CASK: variants seen among roughly 807,000 people sequenced by gnomAD.
The protein encoded by CASK is peripheral plasma membrane protein CASK.
CASK carries 4 observed loss-of-function variants against 82.9 expected under a neutral mutation model. The ratio of observed to expected loss-of-function variants is 0.05; its 90% CI spans 0.02 to 0.11. The LOEUF (loss-of-function observed/expected upper bound fraction) is 0.11, where lower values mean the gene tolerates loss of function less well. Among genes scored for constraint, CASK ranks in the 10% least tolerant of loss-of-function variants. The pLI is 1.00. For missense variants in CASK, 358 were observed against 720.9 expected (o/e 0.50, Z 5.76); for synonymous variants, 259 against 253.5 (o/e 1.02, Z -0.20).
At chrX:41,573,772 C>G (rs2065447357) in intron 15 of CASK, among the ~76,000 whole-genome samples, 1 of 111,814 alleles carries the variant, frequency 8.9e-6, no homozygotes, top group Admixed American at 9.5e-5. Context: ...TTTTTGTATT[C>G]CTAAAAATAT....
intron 5 of CASK, among the ~76,000 whole-genome samples, chrX:41,673,683 C>T (rs1569386237): frequency 9.1e-6 from 1 of 109,533 alleles, no homozygotes; most frequent in African/African-American, 3.3e-5. Context: ...CAAAGGCCCA[C>T]AGGAATAAGG....
intron 1 of CASK, among the ~76,000 whole-genome samples, chrX:41,910,518 C>G (rs1220267180): frequency 9.0e-6 from 1 of 111,650 alleles, no homozygotes; most frequent in Non-Finnish European, 1.9e-5. Context: ...GTGTCTTTAT[C>G]GGGGAAAATA....
At chrX:41,799,639 A>C (rs2069948094) in intron 2 of CASK, among the ~76,000 whole-genome samples, 2 of 108,416 alleles carry the variant, frequency 1.8e-5, no homozygotes, top group South Asian at 8.3e-4. Context: ...GGAGAGACAT[A>C]TATTTAGCTG....
intron 1 of CASK, chrX:41,919,412 T>C (rs2072747605): frequency 8.9e-6 from 1 of 112,146 alleles, no homozygotes; most frequent in Non-Finnish European, 1.9e-5. Flanking sequence ...AAAAATGGTA[T>C]GTATTTTGTT....
chrX:41,620,719 A>C (rs2147315962), intron 11 of CASK, among the ~76,000 whole-genome samples: 1 of 112,292 alleles, frequency 8.9e-6, no homozygotes, highest in East Asian at 2.8e-4. Context: ...CTTTGTTATC[A>C]ATCAAGTTAT....
intron 8 of CASK, among the ~76,000 whole-genome samples, chrX:41,642,116 G>T (rs2066668418): frequency 9.0e-6 from 1 of 111,034 alleles, no homozygotes; most frequent in Non-Finnish European, 1.9e-5. Context: ...TGGTGTATAT[G>T]CGCCACATTT....
intron 6 of CASK, among the ~76,000 whole-genome samples, chrX:41,667,700 C>T (rs1191941874): frequency 9.0e-6 from 1 of 111,508 alleles, no homozygotes; most frequent in Non-Finnish European, 1.9e-5. Flanking sequence ...GCTGGGATTA[C>T]AGGTGTGAGT....
intron 21 of CASK, among the ~76,000 whole-genome samples, chrX:41,551,572 TATC>T (rs746723487): frequency 9.0e-6 from 1 of 110,898 alleles, no homozygotes; most frequent in East Asian, 2.9e-4. Flanking sequence ...ATATTCCACT[TATC>T]ATTCTTATTA....
At chrX:41,537,559 T>C (rs2064889547) in intron 22 of CASK, among the ~76,000 whole-genome samples, 1 of 111,133 alleles carries the variant, frequency 9.0e-6, no homozygotes, top group Non-Finnish European at 1.9e-5. Flanking sequence ...GTATAATATG[T>C]ATAAAATAAA....
chrX:41,607,994 T>C (rs891583290), intron 12 of CASK, among the ~76,000 whole-genome samples: 10 of 112,411 alleles, frequency 8.9e-5, no homozygotes, highest in South Asian at 3.7e-4. Flanking sequence ...ATATGTACAC[T>C]ATATACAAAG....
chrX:41,533,748 C>T (rs1489338137), intron 24 of CASK, among the ~76,000 whole-genome samples: 1 of 112,170 alleles, frequency 8.9e-6, no homozygotes, highest in Admixed American at 9.4e-5. Flanking sequence ...CAACCTCCAC[C>T]TCCGGATTCA....
intron 11 of CASK, among the ~76,000 whole-genome samples, chrX:41,616,640 C>T (rs2066206089): frequency 9.4e-6 from 1 of 106,164 alleles, no homozygotes; most frequent in Non-Finnish European, 1.9e-5. Context: ...CAGAGTTTCA[C>T]TCAGTTGCCC....
chrX:41,648,443 T>C (rs1420361754), intron 8 of CASK, among the ~76,000 whole-genome samples: 1 of 111,381 alleles, frequency 9.0e-6, no homozygotes. Flanking sequence ...TCTATTACCC[T>C]GTTAAGTACT....
intron 5 of CASK, among the ~76,000 whole-genome samples, chrX:41,713,894 C>G (rs1434927657): frequency 9.0e-6 from 1 of 111,547 alleles, no homozygotes; most frequent in Non-Finnish European, 1.9e-5. Flanking sequence ...CTGCTGTTCT[C>G]CTAACGGTAA....
At chrX:41,871,399 C>T (rs749528373) in intron 1 of CASK, among the ~76,000 whole-genome samples, 2 of 111,922 alleles carry the variant, frequency 1.8e-5, no homozygotes, top group South Asian at 7.5e-4. Context: ...TGTTCCTTTC[C>T]AAATGCTGTG....
At position 41,680,336 on chromosome X, in the gene CASK, G is replaced by A. The variant is rs1318860858; in HGVS notation, c.430-8806C>T. On this transcript the variant is annotated intron_variant, in intron 5 of 26. Transcript: ENST00000378163. ...AACTCTACTAAAAATACAAAAATTTGCTGGGCGTGGTGGCATGCGCCTATA... is the reference window on the plus strand; with the variant it reads ...AACTCTACTAAAAATACAAAAATTTACTGGGCGTGGTGGCATGCGCCTATA... 4.5e-5 allele frequency among the ~76,000 whole-genome samples: 5 copies of A among 110,224 alleles called. No homozygotes were observed. The South Asian group carries it at 1.9e-3, about 42-fold the overall frequency.
At chrX:41,874,147 T>C (rs1228241292) in intron 1 of CASK, among the ~76,000 whole-genome samples, 1 of 109,770 alleles carries the variant, frequency 9.1e-6, no homozygotes, top group African/African-American at 3.3e-5. Context: ...ACCAATCTAA[T>C]AGTCTGTTAC....
intron 5 of CASK, among the ~76,000 whole-genome samples, chrX:41,716,685 G>A (rs1156889637): frequency 8.9e-6 from 1 of 111,969 alleles, no homozygotes; most frequent in Non-Finnish European, 1.9e-5. Context: ...TTTAAACTTT[G>A]AGTCAGAATT....
At chrX:41,891,034 C>T (rs775287524) in intron 1 of CASK, among the ~76,000 whole-genome samples, 57 of 108,099 alleles carry the variant, frequency 5.3e-4, no homozygotes, top group Non-Finnish European at 8.6e-4. Flanking sequence ...ATTACAGGTG[C>T]GTGCCACCAC....
Sources: gnomAD v4.1 joint callset for allele counts (sites outside exome capture counted in the v4.1 genomes callset) on GRCh38, gnomAD v4.1.1 for gene constraint, MANE v1.5 for transcripts, NCBI Gene and HGNC (gene_info 2026-07-23, HGNC 2026-07-21) for gene names.